Variants in MIGA1 observed in about 807,000 individuals in gnomAD.
MIGA1 encodes the protein mitoguardin 1, also known as family with sequence similarity 73, member A.
A neutral mutation model predicts 82.0 loss-of-function variants in MIGA1; 58 were observed. That is an observed-to-expected ratio of 0.71 (90% CI 0.57 to 0.88). The LOEUF is 0.88. MIGA1 is among the 40% of genes least tolerant of loss of function. The pLI is 0.00. For missense variants in MIGA1, 751 were observed against 749.1 expected (o/e 1.00, Z -0.03); for synonymous variants, 249 against 253.6 (o/e 0.98, Z 0.17).
intron 4 of MIGA1, among the ~76,000 whole-genome samples, chr1:77,804,693 G>A (rs1253507636): frequency 6.6e-6 from 1 of 150,840 alleles, no homozygotes; most frequent in East Asian, 2.0e-4. Context: ...CGATGAGCTG[G>A]AACTCAGCTC....
chr1:77,838,624 T>C (rs1030499066), intron 7 of MIGA1, among the ~76,000 whole-genome samples: 4 of 152,082 alleles, frequency 2.6e-5, no homozygotes, highest in Non-Finnish European at 5.9e-5. Flanking sequence ...ATTTTTGTAT[T>C]TTTTGTAGAG....
chr1:77,794,466 T>C (rs1682571783), intron 2 of MIGA1, among the ~76,000 whole-genome samples: 1 of 152,212 alleles, frequency 6.6e-6, no homozygotes, highest in African/African-American at 2.4e-5. Context: ...TGTCCCTCAG[T>C]TGAGTGTGTC....
chr1:77,800,386 C>T (rs1244532244), intron 2 of MIGA1, among the ~76,000 whole-genome samples: 1 of 152,154 alleles, frequency 6.6e-6, no homozygotes, highest in East Asian at 1.9e-4. Context: ...AATGTCTTAC[C>T]TCTCTGCAAA....
intron 12 of MIGA1, among the ~76,000 whole-genome samples, chr1:77,863,424 T>A (rs1685545451): frequency 6.6e-6 from 1 of 152,258 alleles, no homozygotes; most frequent in Non-Finnish European, 1.5e-5. Flanking sequence ...ATTGGATATT[T>A]GCAGGATTAT....
chr1:77,863,749 A>G (rs1319624030), intron 12 of MIGA1, 145 bp from the exon 13 acceptor site: 2 of 576,808 alleles, frequency 3.5e-6, no homozygotes, highest in South Asian at 2.9e-5. Context: ...GCGAGCTTTC[A>G]TATTTATCTC....
At chr1:77,861,410 G>A (rs1000367897) in intron 12 of MIGA1, 88 bp downstream of exon 12, 1 of 862,604 alleles carries the variant, frequency 1.2e-6, no homozygotes, top group Non-Finnish European at 1.9e-6. Flanking sequence ...CATTGTCCTT[G>A]TTAAATAAAG....
rs1367218202 is a variant in MIGA1, at chr1:77,786,931, C to G, written c.195+3580C>G. Among the ~76,000 whole-genome samples, 3 of 152,158 alleles carry G rather than the reference C, an allele frequency of 2.0e-5. No homozygotes were observed. The East Asian group carries it at 5.8e-4, about 29-fold the overall frequency. On this transcript the variant is annotated intron_variant, in intron 2 of 15. Transcript: ENST00000370791. ...ACTGGTACCAATTTACTGTATTAGT[C>G]CATTTTCATGCTGCTGATAAAGACA...
chr1:77,815,738 T>C (rs563819311), intron 7 of MIGA1, among the ~76,000 whole-genome samples: 3 of 152,272 alleles, frequency 2.0e-5, no homozygotes, highest in Admixed American at 6.5e-5. Context: ...AAGTTTTTTA[T>C]TTTTTATTTT....
At chr1:77,783,412 T>C in intron 2 of MIGA1, 61 bp downstream of exon 2, 1 of 970,354 alleles carries the variant, frequency 1.0e-6, no homozygotes, top group Non-Finnish European at 1.5e-6. Flanking sequence ...GCATATTTTG[T>C]TTACATTATT....
chr1:77,851,406 T>C (rs528994646), intron 8 of MIGA1, among the ~76,000 whole-genome samples: 1 of 152,328 alleles, frequency 6.6e-6, no homozygotes, highest in East Asian at 1.9e-4. Flanking sequence ...GTTCCATAGC[T>C]GAAATTAACT....
At chr1:77,803,810 T>C (rs1682983089) in intron 4 of MIGA1, among the ~76,000 whole-genome samples, 1 of 151,910 alleles carries the variant, frequency 6.6e-6, no homozygotes, top group South Asian at 2.1e-4. Context: ...GGTAAAAAAA[T>C]ATAGGCAGAT....
At chr1:77,836,383 A>C (rs985886345) in intron 7 of MIGA1, among the ~76,000 whole-genome samples, 5 of 152,156 alleles carry the variant, frequency 3.3e-5, no homozygotes, top group African/African-American at 1.2e-4. Flanking sequence ...GCAAAAAATC[A>C]GATAAATTTT....
chr1:77,841,768 TCTCC>T (rs1246504263), intron 7 of MIGA1, among the ~76,000 whole-genome samples: 5 of 151,310 alleles, frequency 3.3e-5, no homozygotes, highest in Admixed American at 6.6e-5. Flanking sequence ...TGTTCCTTTC[TCTCC>T]CTCTCTCTCT....
At chr1:77,784,947 C>T (rs1682082379) in intron 2 of MIGA1, among the ~76,000 whole-genome samples, 1 of 152,142 alleles carries the variant, frequency 6.6e-6, no homozygotes, top group South Asian at 2.1e-4. Context: ...GACTTGTCCC[C>T]ATGATTCAGT....
At chr1:77,837,972 G>A (rs919944208) in intron 7 of MIGA1, among the ~76,000 whole-genome samples, 4 of 152,050 alleles carry the variant, frequency 2.6e-5, no homozygotes, top group South Asian at 2.1e-4. Flanking sequence ...TATAAAATTC[G>A]TGTCTGGTAA....
At chr1:77,817,042 C>T (rs1683595309) in intron 7 of MIGA1, among the ~76,000 whole-genome samples, 1 of 152,176 alleles carries the variant, frequency 6.6e-6, no homozygotes, top group Non-Finnish European at 1.5e-5. Context: ...TTCTTTTAGC[C>T]TCATTATAAG....
intron 7 of MIGA1, among the ~76,000 whole-genome samples, chr1:77,828,818 A>T (rs1380174116): frequency 6.6e-6 from 1 of 152,106 alleles, no homozygotes; most frequent in Admixed American, 6.5e-5. Context: ...GACTACAGGC[A>T]TGTGCCACAC....
chr1:77,807,498 A>G (rs1432158314), intron 5 of MIGA1, among the ~76,000 whole-genome samples: 2 of 152,174 alleles, frequency 1.3e-5, no homozygotes. Context: ...TTGTTCTAAG[A>G]GAAGCAACTA....
intron 14 of MIGA1, among the ~76,000 whole-genome samples, chr1:77,871,466 C>T (rs556674213): frequency 3.5e-4 from 53 of 151,778 alleles, no homozygotes; most frequent in African/African-American, 1.2e-3. Context: ...GGTGCCACTG[C>T]ACTCCAGCCT....
Sources: gnomAD v4.1 joint callset for allele counts (sites outside exome capture counted in the v4.1 genomes callset) on GRCh38, gnomAD v4.1.1 for gene constraint, MANE v1.5 for transcripts, NCBI Gene and HGNC (gene_info 2026-07-23, HGNC 2026-07-21) for gene names.